PSG2: variants seen among roughly 807,000 people sequenced by gnomAD.
The protein encoded by PSG2 is pregnancy-specific beta-1-glycoprotein 2.
PSG2 carries 49 observed loss-of-function variants against 36.2 expected under a neutral mutation model. The observed-to-expected ratio is 1.35, with a 90% CI of 1.08 to 1.72. PSG2 has a LOEUF of 1.72. Among genes scored for constraint, PSG2 ranks in the 40% most tolerant of loss-of-function variants. The probability of loss-of-function intolerance (pLI) is 0.00; values close to 1 mark genes in which losing one functional copy is unlikely to be tolerated. For missense variants in PSG2, 605 were observed against 407.2 expected (o/e 1.49, Z -4.18); for synonymous variants, 261 against 155.6 (o/e 1.68, Z -5.04).
rs1047755351 is a variant in PSG2 at position 43,077,285 on chromosome 19, C to T, written c.431-1653G>A. 6.2e-4 allele frequency among the ~76,000 whole-genome samples: 94 copies of T among 151,616 alleles called. 2 individuals carry two copies. The highest frequency in any genetic ancestry group is 2.3e-3 in the African/African-American group (93 of 41,108). On this transcript the variant is annotated intron_variant, in intron 2 of 5. Coordinates refer to ENST00000406487, the MANE Select transcript of PSG2 (RefSeq NM_031246.4). ...GCAGCTCCTTAAGTAGAGAGAGTCC[C>T]GTTAAAAGGACAGAACTGGTCAGTG... is the stretch of plus-strand genomic sequence containing the variant.
intron 1 of PSG2, chr19:43,082,260 C>G: frequency 2.0e-6 from 1 of 492,578 alleles, no homozygotes; most frequent in Non-Finnish European, 3.4e-6. Context: ...CCTGCCACAG[C>G]CTCCTGAGTA....
chr19:43,066,875 CTA>C (rs1002280375), intron 4 of PSG2, among the ~76,000 whole-genome samples: 11 of 151,046 alleles, frequency 7.3e-5, no homozygotes, highest in African/African-American at 2.7e-4. Context: ...TTGCTATTTT[CTA>C]TGTCATTAGA....
chr19:43,070,136 A>G lies in PSG2; in HGVS notation c.964+1564T>C, dbSNP rs544016607. ...ATGTGCAAATCAAAACCACAATGTTACACCACCTCACACACTTTAGGATGG... is the reference window on the plus strand; with the variant it reads ...ATGTGCAAATCAAAACCACAATGTTGCACCACCTCACACACTTTAGGATGG... On this transcript the variant is annotated intron_variant, in intron 4 of 5. Coordinates refer to ENST00000406487, the MANE Select transcript of PSG2 (RefSeq NM_031246.4). Among the ~76,000 whole-genome samples, 150 of 151,750 alleles carry G rather than the reference A, an allele frequency of 9.9e-4. 4 individuals are homozygous for G. The highest frequency in any genetic ancestry group is 9.6e-3 in the Admixed American group (146 of 15,230).
chr19:43,078,420 T>C (rs1184151130), intron 2 of PSG2, among the ~76,000 whole-genome samples: 1 of 151,694 alleles, frequency 6.6e-6, no homozygotes, highest in African/African-American at 2.4e-5. Flanking sequence ...AACTAATTGA[T>C]CCTATAGATA....
At chr19:43,072,078 T>C (rs1967827028) in intron 3 of PSG2, 124 bp from the exon 4 acceptor site, 1 of 1,440,102 alleles carries the variant, frequency 6.9e-7, no homozygotes. Flanking sequence ...CAAAACCCCC[T>C]CTATGTTCAC....
rs138328039 is a variant in PSG2 at position 43,079,281 on chromosome 19, A to C, written c.430+1600T>G. ...GCTGCCCCCAGTTCCACAGTCCAGAACCAAGGAGCCCTGAGAACCCTCTGG... is the reference window on the plus strand; with the variant it reads ...GCTGCCCCCAGTTCCACAGTCCAGACCCAAGGAGCCCTGAGAACCCTCTGG... On this transcript the variant is annotated intron_variant, in intron 2 of 5. Coordinates refer to ENST00000406487, the MANE Select transcript of PSG2 (RefSeq NM_031246.4). Among the ~76,000 whole-genome samples, 1,052 of 151,422 alleles carry C rather than the reference A, an allele frequency of 6.9e-3. 45 individuals carry two copies. Among genetic ancestry groups the C allele is most frequent in the African/African-American group, 0.025 (1,019 of 40,968 alleles).
At chr19:43,082,431 C>CCATCCT (rs1014929369) in intron 1 of PSG2, 75 bp downstream of exon 1, 2 of 1,580,114 alleles carry the variant, frequency 1.3e-6, no homozygotes, top group African/African-American at 2.7e-5. Context: ...TTTTAGAACC[C>CCATCCT]CATCCTCTCC....
At position 43,082,532 on chromosome 19, in the gene PSG2, A is replaced by T; in HGVS notation, c.38T>A (p.Ile13Asn). Residue 13 changes from isoleucine to asparagine, a missense_variant, in exon 1 of 6, where the codon ATC becomes AAC. Coordinates refer to ENST00000406487, the MANE Select transcript of PSG2 (RefSeq NM_031246.4). ...TGTGACCAGGAGCCCCTTCCATTTG[A>T]TGTGCTCTGTGCAGGGAGGGGCTGA... is the stretch of plus-strand genomic sequence containing the variant. The part of the protein sequence containing the change: ...PLSAPPCTEH[I>N]KWKGLLVTAS... 2 of 1,611,740 alleles carry T rather than the reference A, an allele frequency of 1.2e-6. No individual in the cohort carries two copies. Among genetic ancestry groups the T allele is most frequent in the Non-Finnish European group, 1.7e-6 (2 of 1,179,056 alleles).
At chr19:43,080,476 G>A (rs762993104) in intron 2 of PSG2, among the ~76,000 whole-genome samples, 1 of 151,744 alleles carries the variant, frequency 6.6e-6, no homozygotes, top group Non-Finnish European at 1.5e-5. Flanking sequence ...CAAGGATTTA[G>A]GGACAGGGTT....
intron 3 of PSG2, 130 bp downstream of exon 3, chr19:43,075,224 T>A (rs1228697935): frequency 6.3e-7 from 1 of 1,585,742 alleles, no homozygotes; most frequent in African/African-American, 1.4e-5. Context: ...GGGCAGAAAG[T>A]CATGGCCAGC....
At chr19:43,078,307 G>A (rs1599710274) in intron 2 of PSG2, among the ~76,000 whole-genome samples, 1 of 151,742 alleles carries the variant, frequency 6.6e-6, no homozygotes, top group African/African-American at 2.4e-5. Context: ...AAGACCATGA[G>A]ATTAAGATTA....
At position 43,082,576 on chromosome 19, in the gene PSG2, T is replaced by C. The variant is rs1967997209; in HGVS notation, c.-7A>G. 2.5e-6 allele frequency: 4 copies of C among 1,611,424 alleles called. No homozygotes were observed. The highest frequency in any genetic ancestry group is 2.5e-6 in the Non-Finnish European group (3 of 1,178,724). ...GGGCTGAGAGGGGCCCCATGGTCTC[T>C]GCTGCCTGTGTGTTCTCCTCTGTGG... is the stretch of plus-strand genomic sequence containing the variant. On this transcript the variant is annotated 5_prime_UTR_variant, in exon 1 of 6. Coordinates refer to ENST00000406487, the MANE Select transcript of PSG2 (RefSeq NM_031246.4).
chr19:43,081,387 AC>A (rs1967973035), intron 1 of PSG2, 141 bp from the exon 2 acceptor site: 3 of 1,274,286 alleles, frequency 2.4e-6, no homozygotes, highest in South Asian at 3.2e-5. Context: ...ACACACACAC[AC>A]ACACACACAC....
rs759236061 is a variant in PSG2, at chr19:43,071,816, C to T, written c.848G>A (p.Gly283Glu). ...WTINGKFQQS[G>E]QNLFIPQITT... ...AATTTGGGGGATAAACAGATTTTGT[C>T]CTGATTGCTGAAACTTCCCATTAAT... The change falls in exon 4 of 6, where the codon GGA (glycine) becomes GAA (glutamate). Residue 283 changes from glycine to glutamate, a missense_variant. By Grantham distance (98) the Gly-to-Glu change is moderately conservative. Transcript: ENST00000406487. 3 of 1,613,036 alleles carry T rather than the reference C, an allele frequency of 1.9e-6. 1 individual carries two copies. Among genetic ancestry groups the T allele is most frequent in the East Asian group, 4.5e-5 (2 of 44,876 alleles).
At chr19:43,064,930 C>T (rs1357031832) in intron 5 of PSG2, among the ~76,000 whole-genome samples, 3 of 151,850 alleles carry the variant, frequency 2.0e-5, no homozygotes, top group African/African-American at 4.9e-5. Flanking sequence ...CTCCGCGGTT[C>T]ATGCCATTCT....
rs144197572 is a variant in PSG2 at position 43,071,742 on chromosome 19, T to C, written c.922A>G (p.Thr308Ala). 7 of 1,612,864 alleles carry C rather than the reference T, an allele frequency of 4.3e-6. No individual in the cohort carries two copies. The African/African-American group carries it at 6.7e-5, about 15-fold the overall frequency. The stretch of plus-strand genomic sequence containing the variant: ...AACGATGTGGAGCTTTCCTCGCCAG[T>C]GGCTGAGTTACGAACAGAGCAAACA... ...LYVCSVRNSA[T>A]GEESSTSLTV... The change falls in exon 4 of 6, where the codon ACT (threonine) becomes GCT (alanine). Residue 308 changes from threonine (T) to alanine (A), a missense_variant. Thr to Ala is a moderately conservative substitution (Grantham distance 58). Coordinates refer to ENST00000406487, the MANE Select transcript of PSG2 (RefSeq NM_031246.4).
intron 2 of PSG2, among the ~76,000 whole-genome samples, chr19:43,075,910 TG>T (rs1967889436): frequency 6.6e-6 from 1 of 151,528 alleles, no homozygotes; most frequent in South Asian, 2.1e-4. Flanking sequence ...TCACAGCCCC[TG>T]GTGCCTCTCT....
At position 43,071,803 on chromosome 19, in the gene PSG2, A is replaced by T; in HGVS notation, c.861T>A (p.Phe287Leu). The change falls in exon 4 of 6, where the codon TTT (phenylalanine) becomes TTA (leucine). Residue 287 changes from phenylalanine to leucine, a missense_variant. Coordinates refer to ENST00000406487, the MANE Select transcript of PSG2 (RefSeq NM_031246.4). ...TATGCTTTGTAGTAATTTGGGGGAT[A>T]AACAGATTTTGTCCTGATTGCTGAA... ...GKFQQSGQNLFIPQITTKHSG... is the reference protein window; with the variant it reads ...GKFQQSGQNLLIPQITTKHSG... The T allele has an allele frequency of 1.9e-6, 3 of 1,613,006 alleles. No homozygotes were observed. Among genetic ancestry groups the T allele is most frequent in the Non-Finnish European group, 2.5e-6 (3 of 1,179,526 alleles).
At chr19:43,076,653 T>G (rs536267826) in intron 2 of PSG2, among the ~76,000 whole-genome samples, 37 of 151,680 alleles carry the variant, frequency 2.4e-4, no homozygotes, top group Non-Finnish European at 4.4e-4. Context: ...AGTAGAATAG[T>G]AGTTTCCAGG....
Sources: allele counts gnomAD v4.1 joint callset (sites outside exome capture counted in the v4.1 genomes callset), GRCh38; gene constraint gnomAD v4.1.1; transcripts MANE v1.5; gene names NCBI Gene and HGNC (gene_info 2026-07-23, HGNC 2026-07-21).